Variants in THEMIS observed in about 807,000 individuals in gnomAD.
The protein encoded by THEMIS is thymocyte selection associated.
A neutral mutation model predicts 52.6 loss-of-function variants in THEMIS; 37 were observed. The observed-to-expected ratio is 0.70, with a 90% CI of 0.54 to 0.93. THEMIS has a LOEUF of 0.93. THEMIS is among the 40% of genes least tolerant of loss of function. The pLI is 0.00. For missense variants in THEMIS, 808 were observed against 763.1 expected (o/e 1.06, Z -0.69); for synonymous variants, 292 against 272.7 (o/e 1.07, Z -0.70).
At chr6:127,734,608 C>T (rs778148894) in intron 4 of THEMIS, among the ~76,000 whole-genome samples, 8 of 151,932 alleles carry the variant, frequency 5.3e-5, no homozygotes, top group East Asian at 1.9e-4. Context: ...CTGTGGCTCA[C>T]GCCTGTAATC....
At chr6:127,754,711 T>C (rs1358968417) in intron 4 of THEMIS, among the ~76,000 whole-genome samples, 2 of 152,088 alleles carry the variant, frequency 1.3e-5, no homozygotes, top group East Asian at 3.9e-4. Flanking sequence ...ATGATAGAGG[T>C]ATAAAAAAGA....
intron 4 of THEMIS, among the ~76,000 whole-genome samples, chr6:127,760,967 G>A (rs1776002174): frequency 6.6e-6 from 1 of 151,962 alleles, no homozygotes; most frequent in Non-Finnish European, 1.5e-5. Context: ...AACTAAAAAA[G>A]CTTCTGCACA....
chr6:127,709,719 G>A lies in THEMIS; in HGVS notation c.*266C>T. On this transcript the variant is annotated 3_prime_UTR_variant, in exon 6 of 6. Transcript: ENST00000368248. The stretch of plus-strand genomic sequence containing the variant: ...AGTAGAAATAAGAATCTGAAAAAAT[G>A]TGCAAGTTAAATAAATACGTCCTAA... 1 of 320,746 alleles carries A rather than the reference G, an allele frequency of 3.1e-6. No individual in the cohort carries two copies. The highest frequency in any genetic ancestry group is 2.1e-5 in the African/African-American group (1 of 46,890). The allele number at this position is 320,746 out of a possible 1,614,324, so 19.9% of individuals were successfully genotyped here.
intron 4 of THEMIS, among the ~76,000 whole-genome samples, chr6:127,767,526 T>G (rs1209800592): frequency 6.6e-6 from 1 of 152,178 alleles, no homozygotes; most frequent in Admixed American, 6.5e-5. Flanking sequence ...GTCATGGTCA[T>G]CAACATCACT....
chr6:127,813,499 G>A lies in THEMIS; in HGVS notation c.1142C>T (p.Ser381Leu). The A allele has an allele frequency of 1.9e-6, 3 of 1,613,978 alleles. No individual in the cohort carries two copies. Among genetic ancestry groups the A allele is most frequent in the Middle Eastern group, 3.3e-4 (2 of 6,058 alleles). Residue 381 changes from serine (S) to leucine (L), a missense_variant, in exon 4 of 6, where the codon TCA (serine) becomes TTA (leucine). By Grantham distance (145) the Ser-to-Leu change is moderately radical (BLOSUM62 -2). Transcript: ENST00000368248. ...AAACTGGTCCCCAACAGATACGGAT[G>A]ACAGCTTGTCATGAGGGGAATGAAA... Reference protein sequence around the residue: ...KAFHSPHDKLSSVSVGDQFLV... With the variant: ...KAFHSPHDKLLSVSVGDQFLV...
In THEMIS at chr6:127,871,853, G is replaced by T. The variant is rs532172583; in HGVS notation, c.92-16665C>A. On this transcript the variant is annotated intron_variant, in intron 1 of 5. Coordinates refer to ENST00000368248, the MANE Select transcript of THEMIS (RefSeq NM_001010923.3). ...TCTCCAGGCCCTGATTGTTTCACTG[G>T]AAACAATCTGCCAAACTTCTAAGGA... 2.6e-5 allele frequency among the ~76,000 whole-genome samples: 4 copies of T among 152,088 alleles called. No homozygotes were observed. In the East Asian group the frequency reaches 7.7e-4, roughly 29 times the overall value.
At chr6:127,718,774 C>T (rs981349314) in intron 5 of THEMIS, among the ~76,000 whole-genome samples, 3 of 151,782 alleles carry the variant, frequency 2.0e-5, no homozygotes, top group Non-Finnish European at 4.4e-5. Context: ...TTTTCTCTCT[C>T]GGAGAGAGTC....
intron 4 of THEMIS, among the ~76,000 whole-genome samples, chr6:127,764,709 C>T (rs1437111497): frequency 1.3e-5 from 2 of 151,956 alleles, no homozygotes; most frequent in Non-Finnish European, 2.9e-5. Context: ...CCTCCCATTC[C>T]TTTTTCCTAT....
intron 4 of THEMIS, among the ~76,000 whole-genome samples, chr6:127,759,786 CTTCCCTCCTTTCT>C (rs919288086): frequency 6.6e-6 from 1 of 150,684 alleles, no homozygotes; most frequent in Non-Finnish European, 1.5e-5. Context: ...TCCTTCCTTC[CTTCCCTCCTTTCT>C]TTCCCTCCTT....
intron 4 of THEMIS, among the ~76,000 whole-genome samples, chr6:127,800,529 G>A (rs914468038): frequency 2.6e-5 from 4 of 152,140 alleles, no homozygotes; most frequent in Non-Finnish European, 5.9e-5. Flanking sequence ...AAAACCATCT[G>A]CGTTGGTTAA....
At chr6:127,848,911 C>T (rs1165047805) in intron 2 of THEMIS, among the ~76,000 whole-genome samples, 1 of 152,060 alleles carries the variant, frequency 6.6e-6, no homozygotes, top group Non-Finnish European at 1.5e-5. Context: ...TTTTGCTGTG[C>T]AGAAGCTCTT....
At chr6:127,710,359 T>C (rs1264992007) in intron 5 of THEMIS, among the ~76,000 whole-genome samples, 1 of 151,928 alleles carries the variant, frequency 6.6e-6, no homozygotes, top group Non-Finnish European at 1.5e-5. Context: ...AACTGAGGCC[T>C]CAGTGAAGTT....
intron 4 of THEMIS, among the ~76,000 whole-genome samples, chr6:127,746,727 TTA>T (rs1185434173): frequency 9.8e-6 from 1 of 101,918 alleles, no homozygotes; most frequent in Non-Finnish European, 1.8e-5. Flanking sequence ...TTATATATTA[TTA>T]TATAATTATA....
At chr6:127,843,842 T>C (rs1024635050) in intron 2 of THEMIS, among the ~76,000 whole-genome samples, 2 of 151,932 alleles carry the variant, frequency 1.3e-5, no homozygotes, top group Non-Finnish European at 2.9e-5. Flanking sequence ...GAGAGGACCA[T>C]GTGGTAAAGA....
At chr6:127,798,137 T>A (rs1279728166) in intron 4 of THEMIS, among the ~76,000 whole-genome samples, 1 of 152,212 alleles carries the variant, frequency 6.6e-6, no homozygotes, top group Admixed American at 6.5e-5. Context: ...AAATATAATA[T>A]TGACAGTACA....
At chr6:127,785,898 T>G (rs1233303071) in intron 4 of THEMIS, among the ~76,000 whole-genome samples, 1 of 152,076 alleles carries the variant, frequency 6.6e-6, no homozygotes, top group Non-Finnish European at 1.5e-5. Context: ...TTATACCAAT[T>G]TATGAAATTC....
chr6:127,808,376 A>T (rs1162482866), intron 4 of THEMIS, among the ~76,000 whole-genome samples: 1 of 152,198 alleles, frequency 6.6e-6, no homozygotes, highest in Non-Finnish European at 1.5e-5. Flanking sequence ...CATACAAACC[A>T]ACCTTCAAGG....
chr6:127,701,736 G>C, the THEMIS span, among the ~76,000 whole-genome samples: 1 of 152,164 alleles, frequency 6.6e-6, no homozygotes, highest in African/African-American at 2.4e-5. Flanking sequence ...CCATCTGGTA[G>C]GTTTATAATG....
the THEMIS span, among the ~76,000 whole-genome samples, chr6:127,698,449 C>T: frequency 1.3e-5 from 2 of 152,004 alleles, no homozygotes; most frequent in African/African-American, 4.8e-5. Flanking sequence ...GGAGAATATG[C>T]CCTCTTTCGT....
Sources: gnomAD v4.1 joint callset for allele counts (sites outside exome capture counted in the v4.1 genomes callset) on GRCh38, gnomAD v4.1.1 for gene constraint, MANE v1.5 for transcripts, NCBI Gene and HGNC (gene_info 2026-07-23, HGNC 2026-07-21) for gene names.